Variants in ABCB6 observed in about 807,000 individuals in gnomAD.
ABCB6 encodes ATP-binding cassette sub-family B member 6.
In ABCB6, 87 loss-of-function variants were observed where a neutral mutation model predicts 99.4. That is an observed-to-expected ratio of 0.88 (90% CI 0.74 to 1.05). ABCB6 has a LOEUF of 1.05. Ranked by LOEUF, ABCB6 falls within the 50% of genes least tolerant of loss-of-function variation. ABCB6 has a pLI of 0.00. For synonymous variants in ABCB6, 482 were observed against 447.5 expected, an observed-to-expected ratio of 1.08 and a Z score of -0.97; for missense variants, 1,050 against 1,097.9, an observed-to-expected ratio of 0.96 and a Z score of 0.62.
rs867157424 is a variant in ABCB6, at chr2:219,213,447, CCT to C, written c.1709_1710del (p.Glu570GlyfsTer21). The C allele has an allele frequency of 1.8e-5, 29 of 1,614,120 alleles. No homozygotes were observed. Among genetic ancestry groups the C allele is most frequent in the Non-Finnish European group, 2.3e-5 (27 of 1,180,056 alleles). ...DMENMFDLLK[E>X]ETEVKDLPGA... The stretch of plus-strand genomic sequence containing the variant: ...CCTCTCCCTTCGCTCACTTCTGTCT[CCT>C]CTTTCAGCAAGTCAAACATGTTCTC... On this transcript the variant is annotated frameshift_variant, in exon 11 of 19. Coordinates refer to ENST00000265316, the MANE Select transcript of ABCB6 (RefSeq NM_005689.4). LOFTEE classifies it high-confidence loss of function.
At position 219,216,903 on chromosome 2, in the gene ABCB6, G is replaced by T; in HGVS notation, c.688-71C>A. The T allele has an allele frequency of 7.0e-7, 1 of 1,424,686 alleles. No individual in the cohort carries two copies. Among genetic ancestry groups the T allele is most frequent in the Non-Finnish European group, 9.4e-7 (1 of 1,063,382 alleles). The allele number at this position is 1,424,686 out of a possible 1,614,324, so 88.3% of individuals were successfully genotyped here. On this transcript the variant is annotated intron_variant, in intron 2 of 18. Transcript: ENST00000265316. The surrounding 1 kb of genome is among the most constrained non-coding windows in gnomAD (Gnocchi z 4.2). ...GTGCACTAGCCAGAAACCCTTCAGG[G>T]AAAAACCTATGGGGTTACAGCTCCC...
Position 219,216,407 on chromosome 2 carries a change from G to C in ABCB6, c.927C>G (p.Tyr309Ter). The stretch of plus-strand genomic sequence containing the variant: ...CCCCCTGGAGGAACTTGAGGAAGAC[G>C]TAACTGGTAACAGTCCAGGCCAGAG... ...WNSLAWTVTSYVFLKFLQGGG... is the reference protein window; with the variant it reads ...WNSLAWTVTS The change falls in exon 4 of 19, where the codon TAC becomes TAG. Residue 309 changes from tyrosine (Y) to a stop codon, truncating the protein, a stop_gained. Transcript: ENST00000265316. LOFTEE classifies it high-confidence loss of function. This position sits in a 1 kb window ranked among gnomAD's most constrained non-coding sequence, Gnocchi z 4.2. 6.2e-7 allele frequency: 1 copy of C among 1,614,072 alleles called. No homozygotes were observed. Among genetic ancestry groups the C allele is most frequent in the Non-Finnish European group, 8.5e-7 (1 of 1,179,978 alleles).
At chr2:219,214,728 T>C in intron 6 of ABCB6, 1 of 632,496 alleles carries the variant, frequency 1.6e-6, no homozygotes, top group Non-Finnish European at 2.7e-6. Flanking sequence ...TTCCTTGACC[T>C]GTGTCCACGG....
Position 219,217,798 on chromosome 2 carries a change from T to G in ABCB6, c.559A>C (p.Ser187Arg), listed in dbSNP as rs1349442005. ...ACCACATACCGCAGCACCCACAGGC[T>G]AAACTGAACCTAGAATGAAATATAA... is the stretch of plus-strand genomic sequence containing the variant. ...RADLGQQVQF[S>R]LWVLRYVVSG... The change falls in exon 2 of 19, where the codon AGC becomes CGC. Residue 187 changes from serine (S) to arginine (R), a missense_variant. By Grantham distance (110) the Ser-to-Arg change is moderately radical (BLOSUM62 -1). Coordinates refer to ENST00000265316, the MANE Select transcript of ABCB6 (RefSeq NM_005689.4). 5.0e-6 allele frequency: 8 copies of G among 1,610,104 alleles called. No homozygotes were observed. Among genetic ancestry groups the G allele is most frequent in the Non-Finnish European group, 6.8e-6 (8 of 1,178,982 alleles).
chr2:219,215,225 GGCTAAATCAACCAT>G (rs1950624778), intron 5 of ABCB6, 143 bp from the exon 6 acceptor site: 2 of 1,042,482 alleles, frequency 1.9e-6, no homozygotes, highest in Admixed American at 2.8e-5. Context: ...AGAGGTGGGT[GGCTAAATCAACCAT>G]GCTCAAACTA....
At chr2:219,210,129 T>A in intron 18 of ABCB6, 83 bp from the exon 19 acceptor site, 1 of 1,596,130 alleles carries the variant, frequency 6.3e-7, no homozygotes, top group Non-Finnish European at 8.6e-7. Context: ...GAGGACGGGA[T>A]GGGAAGGGAG....
At chr2:219,212,120 C>T (rs554679308) in intron 14 of ABCB6, among the ~76,000 whole-genome samples, 2 of 152,138 alleles carry the variant, frequency 1.3e-5, no homozygotes, top group African/African-American at 4.8e-5. Flanking sequence ...TGGTCTTGAA[C>T]TCCTGGGCTC....
rs200853920 is a variant in ABCB6 at position 219,212,405 on chromosome 2, A to G, written c.1950T>C (p.Asp650=). 4.3e-6 allele frequency: 7 copies of G among 1,614,106 alleles called. No individual in the cohort carries two copies. The African/African-American group carries it at 8.0e-5, about 18-fold the overall frequency. The change falls in exon 14 of 19, where the codon GAT becomes GAC. Residue 650 remains aspartate (D), a synonymous_variant. Transcript: ENST00000265316. The stretch of plus-strand genomic sequence containing the variant: ...ACCCTACCTGTGAAATGTCCTGCCC[A>G]TCTATTCGGATGCAGCCAGAGCTGA... The part of the protein sequence containing the change: ...YDISSGCIRI[D]GQDISQVTQA...
chr2:219,212,513 A>C (rs756619513), intron 13 of ABCB6, 22 bp from the exon 14 acceptor site: 1 of 1,601,442 alleles, frequency 6.2e-7, no homozygotes, highest in Non-Finnish European at 8.5e-7. Flanking sequence ...GAAATGGGAA[A>C]AATCTCAGGC....
rs750313098 is a variant in ABCB6, at chr2:219,213,611, T to A, written c.1634A>T (p.Asn545Ile). The change falls in exon 10 of 19, where the codon AAT becomes ATT. Residue 545 changes from asparagine (N) to isoleucine (I), a missense_variant. Coordinates refer to ENST00000265316, the MANE Select transcript of ABCB6 (RefSeq NM_005689.4). The stretch of plus-strand genomic sequence containing the variant: ...TTACCTGTAGTAGGTGCCAAACCAA[T>A]TGAGGGGCATGTACAGCTGGATAAT... ...TYIIQLYMPL[N>I]WFGTYYRMIQ... 3 of 1,614,116 alleles carry A rather than the reference T, an allele frequency of 1.9e-6. No individual in the cohort carries two copies. The highest frequency in any genetic ancestry group is 2.2e-5 in the South Asian group (2 of 91,078).
chr2:219,216,557 C>G lies in ABCB6; in HGVS notation c.869-92G>C. ...GGTACCAGCCACAGTCTCTTTCTGA[C>G]CACCCAGCTCTGTCCCACCTCCCTA... is the stretch of plus-strand genomic sequence containing the variant. On this transcript the variant is annotated intron_variant, in intron 3 of 18. Transcript: ENST00000265316. This position sits in a 1 kb window ranked among gnomAD's most constrained non-coding sequence, Gnocchi z 4.2. 1 of 1,539,710 alleles carries G rather than the reference C, an allele frequency of 6.5e-7. No homozygotes were observed. Among genetic ancestry groups the G allele is most frequent in the South Asian group, 1.2e-5 (1 of 84,966 alleles).
At chr2:219,210,601 G>A (rs1171532463) in intron 16 of ABCB6, 110 bp downstream of exon 16, 2 of 1,593,610 alleles carry the variant, frequency 1.3e-6, no homozygotes, top group Non-Finnish European at 1.7e-6. Flanking sequence ...TGGAAAGTGT[G>A]TTTTGTGAGA....
At position 219,209,831 on chromosome 2, in the gene ABCB6, C is replaced by G. The variant is rs1241992418; in HGVS notation, c.*107G>C. 4.6e-6 allele frequency: 4 copies of G among 877,412 alleles called. No homozygotes were observed. The highest frequency in any genetic ancestry group is 5.7e-6 in the Non-Finnish European group (3 of 527,146). 54.4% of individuals were successfully genotyped at this position (877,412 alleles called of 1,614,324 possible). A position where few individuals can be genotyped will look rare whatever the true frequency, so the allele number is the denominator to read the frequency against. ...TTTCGGAAAGGTCCCTTTCCCTTAC[C>G]ATAGCTAGCACCATACCCCAAGACC... is the stretch of plus-strand genomic sequence containing the variant. On this transcript the variant is annotated 3_prime_UTR_variant, in exon 19 of 19. Transcript: ENST00000265316.
Position 219,218,109 on chromosome 2 carries a change from CCA to C in ABCB6, c.549+14_549+15del. On this transcript the variant is annotated intron_variant, in intron 1 of 18. Transcript: ENST00000265316. ...CCGGCCAGCAGAGGCTTCCCCCTTC[CCA>C]CAGAGTCCCTCACCTGCTGGCCCAA... 6.3e-7 allele frequency: 1 copy of C among 1,584,932 alleles called. No homozygotes were observed. Among genetic ancestry groups the C allele is most frequent in the Non-Finnish European group, 8.6e-7 (1 of 1,165,562 alleles).
Position 219,216,124 on chromosome 2 carries a change from G to T in ABCB6, c.1027C>A (p.Arg343=). The T allele has an allele frequency of 6.2e-7, 1 of 1,601,266 alleles. No homozygotes were observed. The highest frequency in any genetic ancestry group is 8.5e-7 in the Non-Finnish European group (1 of 1,174,502). Residue 343 remains arginine (R), a synonymous_variant, in exon 5 of 19, where the codon CGG becomes AGG. Transcript: ENST00000265316. This position sits in a 1 kb window ranked among gnomAD's most constrained non-coding sequence, Gnocchi z 4.2. ...GAGAAGATGAGCAGCTCCACCCGCC[G>T]AGACGTGAACTGCTGCACCCGGATC... ...LWIRVQQFTS[R]RVELLIFSHL...
intron 14 of ABCB6, among the ~76,000 whole-genome samples, chr2:219,211,396 T>C (rs1950577475): frequency 6.6e-6 from 1 of 151,466 alleles, no homozygotes; most frequent in African/African-American, 2.4e-5. Context: ...CTTGACCTCC[T>C]GGCTCATGCA....
rs113270454 is a variant in ABCB6 at position 219,214,683 on chromosome 2, T to C, written c.1277-185A>G. The C allele has an allele frequency of 1.1e-4, 70 of 631,822 alleles. 2 individuals carry two copies. The highest frequency in any genetic ancestry group is 9.0e-4 in the African/African-American group (49 of 54,566). The allele number at this position is 631,822 out of a possible 1,614,324, so 39.1% of individuals were successfully genotyped here. Reference sequence around the variant, plus strand: ...ATGTGTAGAAAACGCTTTTGGTAAATGAAAGCAAGCTGCATCTTGTTACAC... The same window carrying C: ...ATGTGTAGAAAACGCTTTTGGTAAACGAAAGCAAGCTGCATCTTGTTACAC... On this transcript the variant is annotated intron_variant, in intron 6 of 18. Transcript: ENST00000265316.
At chr2:219,211,633 T>G (rs1445586714) in intron 14 of ABCB6, among the ~76,000 whole-genome samples, 3 of 149,038 alleles carry the variant, frequency 2.0e-5, no homozygotes, top group African/African-American at 7.4e-5. Context: ...TTTTTTTTTT[T>G]TTTTTTTTGT....
chr2:219,215,778 G>A, intron 5 of ABCB6: 2 of 452,424 alleles, frequency 4.4e-6, no homozygotes, highest in Non-Finnish European at 7.7e-6. Context: ...AACAGAGTGG[G>A]AAGCTCTGAA....
Sources: allele counts gnomAD v4.1 joint callset (sites outside exome capture counted in the v4.1 genomes callset), GRCh38; gene constraint gnomAD v4.1.1; non-coding constraint Gnocchi (gnomAD v3.1); transcripts MANE v1.5; gene names NCBI Gene and HGNC (gene_info 2026-07-23, HGNC 2026-07-21).